The following TMEM131 variants were observed in gnomAD, a reference collection of about 807,000 sequenced individuals.
The protein encoded by TMEM131 is transmembrane protein 131.
A neutral mutation model predicts 211.6 loss-of-function variants in TMEM131; 66 were observed. The ratio of observed to expected loss-of-function variants is 0.31; its 90% CI spans 0.26 to 0.38. TMEM131 has a LOEUF of 0.38. TMEM131 is among the 10% of genes least tolerant of loss of function. The pLI is 1.00. For synonymous variants in TMEM131, 844 were observed against 841.3 expected (o/e 1.00, Z -0.06); for missense variants, 2,036 against 2,299.3 (o/e 0.89, Z 2.34).
intron 33 of TMEM131, among the ~76,000 whole-genome samples, chr2:97,767,843 A>G (rs1379069770): frequency 6.6e-6 from 1 of 152,180 alleles, no homozygotes; most frequent in African/African-American, 2.4e-5. Flanking sequence ...CCCAGCCCAC[A>G]GGATACAGTA....
At chr2:97,763,198 TCA>T (rs111470383) in intron 35 of TMEM131, 40,087 of 152,518 alleles carry the variant, frequency 0.26, 5,801 homozygotes, top group Middle Eastern at 0.36. Context: ...GCTTCCCTGG[TCA>T]CACCCTGTAG....
In TMEM131 at chr2:97,939,204, C is replaced by CA. The variant is rs960908987; in HGVS notation, c.188-11718dup. Among the ~76,000 whole-genome samples, 32 of 151,506 alleles carry CA rather than the reference C, an allele frequency of 2.1e-4. No homozygotes were observed. The East Asian group carries it at 4.6e-3, about 22-fold the overall frequency. On this transcript the variant is annotated intron_variant, in intron 1 of 40. Coordinates refer to ENST00000186436, the MANE Select transcript of TMEM131 (RefSeq NM_015348.2). ...AGAGCAGAACTGAAGGAGATACAGA[C>CA]AAAAAAAACCCTTCAAAAAATCAAT...
At chr2:97,915,463 G>A (rs1354718235) in intron 2 of TMEM131, among the ~76,000 whole-genome samples, 1 of 152,088 alleles carries the variant, frequency 6.6e-6, no homozygotes, top group Non-Finnish European at 1.5e-5. Context: ...GGGACTACAG[G>A]TGCACACCAC....
At chr2:97,889,795 T>C (rs571439294) in intron 3 of TMEM131, among the ~76,000 whole-genome samples, 1 of 152,252 alleles carries the variant, frequency 6.6e-6, no homozygotes, top group South Asian at 2.1e-4. Flanking sequence ...AATGTATGAA[T>C]GTTTACTATA....
chr2:97,983,296 C>G (rs1353818211), intron 1 of TMEM131, among the ~76,000 whole-genome samples: 1 of 152,166 alleles, frequency 6.6e-6, no homozygotes, highest in Non-Finnish European at 1.5e-5. Flanking sequence ...TGACAGTCAG[C>G]TACAAGTGGT....
intron 2 of TMEM131, among the ~76,000 whole-genome samples, chr2:97,913,339 T>C (rs1229256676): frequency 2.0e-5 from 3 of 152,254 alleles, no homozygotes; most frequent in Non-Finnish European, 4.4e-5. Context: ...TAACATCTCC[T>C]TGCCTTTTAA....
chr2:97,928,200 A>G (rs931161441), intron 1 of TMEM131, among the ~76,000 whole-genome samples: 1 of 152,222 alleles, frequency 6.6e-6, no homozygotes, highest in African/African-American at 2.4e-5. Flanking sequence ...ACTGTGGTAT[A>G]TCTATACAAT....
chr2:97,802,025 T>C (rs1181607741), intron 24 of TMEM131, 64 bp from the exon 25 acceptor site: 3 of 1,148,668 alleles, frequency 2.6e-6, no homozygotes, highest in Non-Finnish European at 3.9e-6. Context: ...AGTTATGGAG[T>C]GATTATCAGG....
At chr2:97,794,445 G>T (rs961276920) in intron 29 of TMEM131, among the ~76,000 whole-genome samples, 6 of 152,146 alleles carry the variant, frequency 3.9e-5, no homozygotes, top group Non-Finnish European at 8.8e-5. Flanking sequence ...TTACTAAGAA[G>T]AATTTTAGTT....
intron 1 of TMEM131, among the ~76,000 whole-genome samples, chr2:97,991,712 G>C (rs1396806037): frequency 6.6e-6 from 1 of 152,196 alleles, no homozygotes; most frequent in Non-Finnish European, 1.5e-5. Context: ...TCAGCTGTAG[G>C]AAAAGGGCCT....
intron 1 of TMEM131, among the ~76,000 whole-genome samples, chr2:97,981,596 T>G (rs1390448344): frequency 6.6e-6 from 1 of 152,204 alleles, no homozygotes; most frequent in Non-Finnish European, 1.5e-5. Context: ...TAATAAAACT[T>G]GTTTAATAAC....
At chr2:97,931,593 A>C (rs1677219906) in intron 1 of TMEM131, among the ~76,000 whole-genome samples, 1 of 152,200 alleles carries the variant, frequency 6.6e-6, no homozygotes, top group Non-Finnish European at 1.5e-5. Flanking sequence ...TAGTAGAAAA[A>C]TTTATGCCAT....
intron 7 of TMEM131, among the ~76,000 whole-genome samples, chr2:97,839,151 T>C (rs1461026496): frequency 6.6e-6 from 1 of 151,340 alleles, no homozygotes; most frequent in East Asian, 1.9e-4. Context: ...ATAGTGAGAG[T>C]CTGTCTCTAC....
chr2:97,986,023 A>G (rs1468423779), intron 1 of TMEM131, among the ~76,000 whole-genome samples: 1 of 152,178 alleles, frequency 6.6e-6, no homozygotes, highest in Non-Finnish European at 1.5e-5. Flanking sequence ...ATAGAAACTC[A>G]GAAAAATATT....
intron 1 of TMEM131, among the ~76,000 whole-genome samples, chr2:97,943,013 AAAGAAAAGAAAAGAAAAGAAAAGAAAAG>A (rs1367570801): frequency 1.8e-5 from 1 of 55,672 alleles, no homozygotes; most frequent in Non-Finnish European, 3.6e-5. Flanking sequence ...AAAAGAAAGA[AAAGAAAAGAAAAGAAAAGAAAAGAAAAG>A]AAAGAAAGAA....
At chr2:97,904,359 T>G (rs1208152679) in intron 3 of TMEM131, among the ~76,000 whole-genome samples, 1 of 151,568 alleles carries the variant, frequency 6.6e-6, no homozygotes, top group Non-Finnish European at 1.5e-5. Context: ...TATAAAAAGG[T>G]AGCTATGGGG....
At chr2:97,853,382 G>T (rs1397407046) in intron 5 of TMEM131, among the ~76,000 whole-genome samples, 1 of 143,824 alleles carries the variant, frequency 7.0e-6, no homozygotes, top group Non-Finnish European at 1.5e-5. Flanking sequence ...ATCACCTGAA[G>T]TCAGGAGTTC....
chr2:97,838,191 T>G (rs1444977912), intron 7 of TMEM131, among the ~76,000 whole-genome samples: 1 of 152,238 alleles, frequency 6.6e-6, no homozygotes, highest in Non-Finnish European at 1.5e-5. Flanking sequence ...TGTGGTCATC[T>G]GCTTTCCTTT....
intron 1 of TMEM131, among the ~76,000 whole-genome samples, chr2:97,961,332 T>C (rs1277962818): frequency 1.3e-5 from 2 of 152,182 alleles, no homozygotes. Flanking sequence ...GTATACAATA[T>C]ACAATTGTTG....
Sources: allele counts gnomAD v4.1 joint callset (sites outside exome capture counted in the v4.1 genomes callset), GRCh38; gene constraint gnomAD v4.1.1; transcripts MANE v1.5; gene names NCBI Gene and HGNC (gene_info 2026-07-23, HGNC 2026-07-21).